Variants in ACLY observed in about 807,000 individuals in gnomAD.
ACLY encodes the protein ATP citrate lyase.
In ACLY, 41 loss-of-function variants were observed where a neutral mutation model predicts 133.0. The observed-to-expected ratio is 0.31, with a 90% CI of 0.24 to 0.40. The LOEUF (loss-of-function observed/expected upper bound fraction) is 0.40. ACLY is among the 10% of genes least tolerant of loss of function. The pLI, the probability that ACLY is intolerant of heterozygous loss-of-function variation, is 1.00. For missense variants in ACLY, 1,046 were observed against 1,453.8 expected (o/e 0.72, Z 4.56); for synonymous variants, 495 against 549.3 (o/e 0.90, Z 1.38).
chr17:41,903,436 A>G (rs541571568), intron 10 of ACLY, among the ~76,000 whole-genome samples: 4 of 152,074 alleles, frequency 2.6e-5, no homozygotes, highest in Non-Finnish European at 5.9e-5. Flanking sequence ...AATCTTTTGG[A>G]AAAAGGGCTC....
Position 41,892,303 on chromosome 17 carries a change from G to C in ACLY, c.1746C>G (p.Thr582=). ...FASLRSAYDS[T]METMNYAQIR... is the part of the protein sequence containing the mutation. ...CCTGGGCATAGTTCATGGTCTCCAT[G>C]GTGCTGTCATAGGCAGAGCGGAGAG... The change falls in exon 16 of 29, where the codon ACC becomes ACG. Residue 582 remains threonine (T), a synonymous_variant. Coordinates refer to ENST00000352035, the MANE Select transcript of ACLY (RefSeq NM_001096.3). The C allele has an allele frequency of 6.3e-7, 1 of 1,584,318 alleles. No individual in the cohort carries two copies. Among genetic ancestry groups the C allele is most frequent in the East Asian group, 2.3e-5 (1 of 43,432 alleles).
chr17:41,914,744 A>AGAG (rs1223043746), intron 1 of ACLY, among the ~76,000 whole-genome samples: 1 of 152,118 alleles, frequency 6.6e-6, no homozygotes, highest in African/African-American at 2.4e-5. Flanking sequence ...GGGCGGACTG[A>AGAG]GAGGAGGAGG....
rs1555627626 is a variant in ACLY at position 41,883,022 on chromosome 17, G to A, written c.2265+100C>T. 4.1e-6 allele frequency: 4 copies of A among 970,126 alleles called. No homozygotes were observed. In the African/African-American group the frequency reaches 6.5e-5, roughly 16 times the overall value. 60.1% of individuals were successfully genotyped at this position (970,126 alleles called of 1,614,324 possible). A position where few individuals can be genotyped will look rare whatever the true frequency, so the allele number is the denominator to read the frequency against. On this transcript the variant is annotated intron_variant, in intron 20 of 28. Coordinates refer to ENST00000352035, the MANE Select transcript of ACLY (RefSeq NM_001096.3). ...AGCAAGTAACAAACGTTTCTTGAAGGAACTAGCTGCGAATTAATAAGATGA... is the reference window on the plus strand; with the variant it reads ...AGCAAGTAACAAACGTTTCTTGAAGAAACTAGCTGCGAATTAATAAGATGA...
intron 12 of ACLY, among the ~76,000 whole-genome samples, chr17:41,898,227 C>T (rs560661249): frequency 6.6e-6 from 1 of 152,312 alleles, no homozygotes; most frequent in Non-Finnish European, 1.5e-5. Context: ...ATTCTCATGC[C>T]TGAGCCTCCC....
At chr17:41,876,884 G>C (rs2048773599) in intron 22 of ACLY, among the ~76,000 whole-genome samples, 1 of 147,214 alleles carries the variant, frequency 6.8e-6, no homozygotes, top group Non-Finnish European at 1.5e-5. Flanking sequence ...CCCTCTGCGA[G>C]AAACACCCAA....
At chr17:41,916,462 C>G (rs1205822711) in intron 1 of ACLY, among the ~76,000 whole-genome samples, 1 of 151,916 alleles carries the variant, frequency 6.6e-6, no homozygotes, top group Non-Finnish European at 1.5e-5. Context: ...CAACCTCAGC[C>G]TCCCAGGTTC....
intron 8 of ACLY, among the ~76,000 whole-genome samples, chr17:41,906,252 T>C (rs2049714895): frequency 6.6e-6 from 1 of 152,188 alleles, no homozygotes; most frequent in African/African-American, 2.4e-5. Context: ...AACTTTCACT[T>C]TCTAGCTCAT....
chr17:41,886,971 A>C (rs2049063526), intron 17 of ACLY, among the ~76,000 whole-genome samples: 1 of 151,654 alleles, frequency 6.6e-6, no homozygotes, highest in South Asian at 2.1e-4. Flanking sequence ...TAAAAATACC[A>C]AAATTAGCCA....
intron 8 of ACLY, 126 bp downstream of exon 8, chr17:41,906,402 A>G (rs1555632664): frequency 9.0e-6 from 7 of 775,424 alleles, no homozygotes; most frequent in Non-Finnish European, 1.1e-5. Flanking sequence ...GCCCTCTGGG[A>G]TGCCACTGCT....
intron 22 of ACLY, among the ~76,000 whole-genome samples, chr17:41,875,914 T>C (rs1156389542): frequency 2.7e-5 from 4 of 148,558 alleles, no homozygotes; most frequent in Non-Finnish European, 5.9e-5. Flanking sequence ...TAGTCTGGGA[T>C]GTGAGGAGCC....
chr17:41,900,294 C>G (rs1555631326), intron 11 of ACLY, among the ~76,000 whole-genome samples: 1 of 150,384 alleles, frequency 6.6e-6, no homozygotes, highest in South Asian at 2.1e-4. Context: ...ACCCGGGAGG[C>G]GGAGCTTGCA....
rs554153689 is a variant in ACLY at position 41,869,722 on chromosome 17, C to G, written c.2938-135G>C. 7 of 646,536 alleles carry G rather than the reference C, an allele frequency of 1.1e-5. No individual in the cohort carries two copies. In the East Asian group the frequency reaches 1.9e-4, roughly 17 times the overall value. 40.0% of individuals were successfully genotyped at this position (646,536 alleles called of 1,614,324 possible). A position where few individuals can be genotyped will look rare whatever the true frequency, so the allele number is the denominator to read the frequency against. On this transcript the variant is annotated intron_variant, in intron 25 of 28. Transcript: ENST00000352035. ...GGAACCTGGCCCACGTGTACCATTC[C>G]ATGTGGCACCAATTGTGCTAATGCC...
At position 41,913,774 on chromosome 17, in the gene ACLY, C is replaced by A. The variant is rs1555634044; in HGVS notation, c.100G>T (p.Val34Phe). The A allele has an allele frequency of 6.2e-7, 1 of 1,614,212 alleles. No individual in the cohort carries two copies. The change falls in exon 2 of 29, where the codon GTC becomes TTC. Residue 34 changes from valine (V) to phenylalanine (F), a missense_variant. Physicochemically the swap from Val to Phe is conservative, Grantham distance 50. Around this residue, in one of 4 missense-constraint regions of ACLY, gnomAD observed 227 missense variants for 245.6 expected, o/e 0.92. Coordinates refer to ENST00000352035, the MANE Select transcript of ACLY (RefSeq NM_001096.3). ...CGGGCCCAGTCTGTGTCAGGAGTGA[C>A]CCGAGCATACTTGAACCGATTCTGG... Reference protein sequence around the residue: ...AIQNRFKYARVTPDTDWARLL... With the variant: ...AIQNRFKYARFTPDTDWARLL...
chr17:41,917,723 AG>A (rs1178162693), intron 1 of ACLY, among the ~76,000 whole-genome samples: 3 of 152,168 alleles, frequency 2.0e-5, no homozygotes, highest in Non-Finnish European at 2.9e-5. Flanking sequence ...GAATTCTGTG[AG>A]TGCCCCTTAC....
chr17:41,900,276 T>C (rs1555631311), intron 11 of ACLY, among the ~76,000 whole-genome samples: 2 of 149,962 alleles, frequency 1.3e-5, no homozygotes, highest in Non-Finnish European at 3.0e-5. Flanking sequence ...GGCAGGAGAA[T>C]GGCGTGGACC....
Position 41,884,266 on chromosome 17 carries a change from C to T in ACLY, c.2081G>A (p.Gly694Asp), listed in dbSNP as rs782076122. The T allele has an allele frequency of 6.2e-7, 1 of 1,608,894 alleles. No homozygotes were observed. Among genetic ancestry groups the T allele is most frequent in the Non-Finnish European group, 8.5e-7 (1 of 1,175,438 alleles). ...GVAIGGDRYP[G>D]STFMDHVLRY... is the part of the protein sequence containing the mutation. ...TAACACATGATCCATGAATGTGGAG[C>T]CCGGGTACCTGTTGAGAGCAGGGAG... Residue 694 changes from glycine (G) to aspartate (D), a missense_variant, in exon 19 of 29, where the codon GGC (glycine) becomes GAC (aspartate). By Grantham distance (94) the Gly-to-Asp change is moderately conservative. Transcript: ENST00000352035.
rs1555626678 is a variant in ACLY at position 41,878,905 on chromosome 17, C to A, written c.2285G>T (p.Gly762Val). The change falls in exon 21 of 29, where the codon GGA becomes GTA. Residue 762 changes from glycine to valine, a missense_variant. Gly to Val is a moderately radical substitution (Grantham distance 109). This residue lies in a region of ACLY where 575 missense variants were observed against 804.2 expected (regional missense o/e 0.71). Transcript: ENST00000352035. The part of the protein sequence containing the change: ...FSSEVQFGHA[G>V]ACANQASETA... ...TTCAGAAGCCTGGTTGGCACAAGCT[C>A]CAGCATGGCCAAACTGGACCTGGAA... is the stretch of plus-strand genomic sequence containing the variant. The A allele has an allele frequency of 6.2e-7, 1 of 1,614,052 alleles. No individual in the cohort carries two copies. The highest frequency in any genetic ancestry group is 8.5e-7 in the Non-Finnish European group (1 of 1,179,978).
At chr17:41,900,010 A>G (rs1274112130) in intron 11 of ACLY, among the ~76,000 whole-genome samples, 1 of 132,156 alleles carries the variant, frequency 7.6e-6, no homozygotes, top group African/African-American at 2.7e-5. Context: ...CAGAGGTTGC[A>G]GTGAGCTGTG....
At chr17:41,911,465 T>C (rs1330470689) in intron 3 of ACLY, among the ~76,000 whole-genome samples, 6 of 152,244 alleles carry the variant, frequency 3.9e-5, no homozygotes, top group African/African-American at 1.4e-4. Context: ...TCCTAAACCA[T>C]GTTTCACTTT....
Sources: gnomAD v4.1 joint callset for allele counts (sites outside exome capture counted in the v4.1 genomes callset) on GRCh38, gnomAD v4.1.1 for gene constraint, gnomAD v4.1.1 regional missense constraint, MANE v1.5 for transcripts, NCBI Gene and HGNC (gene_info 2026-07-23, HGNC 2026-07-21) for gene names.